Variants in ELFN2 observed in about 807,000 individuals in gnomAD.
ELFN2 encodes protein phosphatase 1 regulatory subunit 29.
ELFN2 carries 17 observed loss-of-function variants against 45.5 expected under a neutral mutation model. That is an observed-to-expected ratio of 0.37 (90% CI 0.26 to 0.56). The LOEUF (loss-of-function observed/expected upper bound fraction) is 0.56, where lower values mean the gene tolerates loss of function less well. ELFN2 is among the 20% of genes least tolerant of loss of function. The pLI is 0.77. For synonymous variants in ELFN2, 550 were observed against 551.5 expected (o/e 1.00, Z 0.04); for missense variants, 922 against 1,183.2 (o/e 0.78, Z 3.24).
At chr22:37,401,245 C>T (rs772768161) in intron 2 of ELFN2, among the ~76,000 whole-genome samples, 1 of 152,250 alleles carries the variant, frequency 6.6e-6, no homozygotes, top group Non-Finnish European at 1.5e-5. Context: ...CAGCCAGTGT[C>T]ATCTCAGGTG....
chr22:37,400,951 A>T (rs1364208950), intron 2 of ELFN2, among the ~76,000 whole-genome samples: 1 of 152,212 alleles, frequency 6.6e-6, no homozygotes, highest in Admixed American at 6.5e-5. Flanking sequence ...TTCATTTCAT[A>T]CCGATTCTCA....
At chr22:37,365,109 G>A (rs1287258276), downstream of ELFN2, among the ~76,000 whole-genome samples, 1 of 152,180 alleles carries the variant, frequency 6.6e-6, no homozygotes, top group Non-Finnish European at 1.5e-5. Context: ...AGGAGCAGGA[G>A]GAGGCCAGCC....
intron 2 of ELFN2, among the ~76,000 whole-genome samples, chr22:37,401,657 G>T (rs5756666): frequency 0.48 from 73,336 of 151,980 alleles, 18,129 homozygotes; most frequent in African/African-American, 0.57. Flanking sequence ...GCTGCCTAAT[G>T]CGAGCCTGGG....
chr22:37,383,725 G>T (rs569900648), intron 2 of ELFN2, among the ~76,000 whole-genome samples: 2 of 152,298 alleles, frequency 1.3e-5, no homozygotes, highest in Admixed American at 1.3e-4. Flanking sequence ...CCTGGCCCTG[G>T]GACAGACAGA....
At position 37,375,744 on chromosome 22, in the gene ELFN2, G is replaced by A; in HGVS notation, c.-210C>T. 1.6e-6 allele frequency: 1 copy of A among 626,362 alleles called. No individual in the cohort carries two copies. The allele number at this position is 626,362 out of a possible 1,614,324, so 38.8% of individuals were successfully genotyped here. A position where few individuals can be genotyped will look rare whatever the true frequency, so the allele number is the denominator to read the frequency against. On this transcript the variant is annotated 5_prime_UTR_variant, in exon 3 of 3. Transcript: ENST00000402918. ...AGGCACTAGGCCTGGCTAGGGCTGG[G>A]GGTGGGGGCCCCACAGCCTGCTCCC...
At position 37,361,495 on chromosome 22, in the gene ELFN2, T is replaced by C. The variant is rs181035732; in HGVS notation, n.149-18792A>G. Among the ~76,000 whole-genome samples the C allele has an allele frequency of 2.2e-3, 328 of 152,138 alleles. 2 individuals carry two copies. Among genetic ancestry groups the C allele is most frequent in the African/African-American group, 7.5e-3 (313 of 41,480 alleles). On this transcript the variant is annotated intron_variant and non_coding_transcript_variant, in intron 1 of 2. Transcript: ENST00000452946. ...CCCCGCAGGGTCGTTCCCTCCTCTG[T>C]GAGCAGCCTTCCAAGCCCACCCTGC...
intron 1 of ELFN2, among the ~76,000 whole-genome samples, chr22:37,424,680 CG>C (rs133725): frequency 0.31 from 45,106 of 146,170 alleles, 7,135 homozygotes; most frequent in Non-Finnish European, 0.37. Context: ...CTGAGGGCGG[CG>C]GGGGGGGGGA....
rs1931563579 is a variant in ELFN2 at position 37,375,797 on chromosome 22, C to A, written c.-263G>T. ...CCGCAGCGTTGCTCCTTGTCTCCTG[C>A]TAGGAAGGTGCAAGGGTTCTCAGGG... is the stretch of plus-strand genomic sequence containing the variant. On this transcript the variant is annotated 5_prime_UTR_variant, in exon 3 of 3. Transcript: ENST00000402918. 1.8e-6 allele frequency: 1 copy of A among 546,794 alleles called. No homozygotes were observed. Among genetic ancestry groups the A allele is most frequent in the African/African-American group, 2.0e-5 (1 of 49,912 alleles). 33.9% of individuals were successfully genotyped at this position (546,794 alleles called of 1,614,324 possible).
At chr22:37,422,476 G>A (rs1932816064) in intron 1 of ELFN2, among the ~76,000 whole-genome samples, 1 of 152,040 alleles carries the variant, frequency 6.6e-6, no homozygotes, top group Non-Finnish European at 1.5e-5. Context: ...GGAGGCTAAG[G>A]AGGGAGGATC....
chr22:37,381,804 G>A (rs1351184492), intron 2 of ELFN2, among the ~76,000 whole-genome samples: 2 of 151,820 alleles, frequency 1.3e-5, no homozygotes, highest in Non-Finnish European at 2.9e-5. Flanking sequence ...GGATGGTGGG[G>A]AGATCCTGGA....
At chr22:37,386,234 C>T (rs1931942964) in intron 2 of ELFN2, among the ~76,000 whole-genome samples, 1 of 152,194 alleles carries the variant, frequency 6.6e-6, no homozygotes, top group Non-Finnish European at 1.5e-5. Flanking sequence ...CACCAGGAGA[C>T]CTGAGTTCCT....
chr22:37,380,817 C>A (rs1004991667), intron 2 of ELFN2, among the ~76,000 whole-genome samples: 1 of 152,180 alleles, frequency 6.6e-6, no homozygotes, highest in Non-Finnish European at 1.5e-5. Flanking sequence ...TGCCACCCCC[C>A]GGGGAAGAGA....
chr22:37,346,609 T>C (rs971964142), intron 1 of ELFN2, among the ~76,000 whole-genome samples: 1 of 152,210 alleles, frequency 6.6e-6, no homozygotes, highest in African/African-American at 2.4e-5. Context: ...ACTTAATCAC[T>C]GGGGAAGGCC....
intron 1 of ELFN2, 182 bp downstream of exon 1, chr22:37,427,116 C>T (rs1932858338): frequency 1.3e-5 from 2 of 152,240 alleles, no homozygotes; most frequent in South Asian, 3.9e-4. Context: ...CCGGGGGTCT[C>T]ACGGGGATCC....
downstream of ELFN2, among the ~76,000 whole-genome samples, chr22:37,364,387 G>C (rs1257840596): frequency 6.6e-6 from 1 of 152,196 alleles, no homozygotes; most frequent in Non-Finnish European, 1.5e-5. Context: ...CGGGGGTGCA[G>C]AGCAAGAGAG....
downstream of ELFN2, among the ~76,000 whole-genome samples, chr22:37,365,641 C>T (rs575979017): frequency 2.8e-4 from 42 of 152,332 alleles, no homozygotes; most frequent in African/African-American, 9.9e-4. Flanking sequence ...ACTTAGAGGG[C>T]ATGACACAGA....
chr22:37,358,192 G>C (rs1285955956), intron 1 of ELFN2, among the ~76,000 whole-genome samples: 3 of 152,080 alleles, frequency 2.0e-5, no homozygotes, highest in Non-Finnish European at 2.9e-5. Flanking sequence ...TATTCACATG[G>C]CCCACGGCTG....
intron 2 of ELFN2, among the ~76,000 whole-genome samples, chr22:37,416,075 C>T (rs922305976): frequency 9.8e-5 from 15 of 152,344 alleles, no homozygotes; most frequent in African/African-American, 3.6e-4. Context: ...CCCTGGGAGG[C>T]ATGTGCCTCA....
At position 37,368,854 on chromosome 22, in the gene ELFN2, C is replaced by T. The variant is rs73410283; in HGVS notation, c.*4218G>A. 0.057 allele frequency: 8,611 copies of T among 152,188 alleles called. 289 individuals carry two copies. Among genetic ancestry groups the T allele is most frequent in the South Asian group, 0.085 (408 of 4,812 alleles). The allele number at this position is 152,188 out of a possible 1,614,324, so 9.4% of individuals were successfully genotyped here. A position where few individuals can be genotyped will look rare whatever the true frequency, so the allele number is the denominator to read the frequency against. ...GTGCTTGGGGGACAGGCAGCCACTG[C>T]AACCCCACTCCCTCTAGTCTCGTCT... is the stretch of plus-strand genomic sequence containing the variant. On this transcript the variant is annotated 3_prime_UTR_variant, in exon 3 of 3. Transcript: ENST00000402918.
Sources: allele counts gnomAD v4.1 joint callset (sites outside exome capture counted in the v4.1 genomes callset), GRCh38; gene constraint gnomAD v4.1.1; transcripts MANE v1.5; gene names NCBI Gene and HGNC (gene_info 2026-07-23, HGNC 2026-07-21).